The following GK variants were observed in gnomAD, a reference collection of about 807,000 sequenced individuals.
GK encodes the protein ATP:glycerol 3-phosphotransferase.
In GK, 9 loss-of-function variants were observed where a neutral mutation model predicts 56.4. That is an observed-to-expected ratio of 0.16 (90% CI 0.10 to 0.28). The LOEUF (loss-of-function observed/expected upper bound fraction) is 0.28. Ranked by LOEUF, GK falls within the 10% of genes least tolerant of loss-of-function variation. The pLI is 1.00. For synonymous variants in GK, 104 were observed against 144.1 expected, an observed-to-expected ratio of 0.72 and a Z score of 1.99; for missense variants, 161 against 431.4, an observed-to-expected ratio of 0.37 and a Z score of 5.55.
At chrX:30,684,862 C>T (rs1198573782) in intron 4 of GK, among the ~76,000 whole-genome samples, 1 of 111,098 alleles carries the variant, frequency 9.0e-6, no homozygotes, top group African/African-American at 3.3e-5. Context: ...TTAAAGTTCC[C>T]AATGGCACAC....
At chrX:30,676,411 A>G (rs1456436409) in intron 3 of GK, among the ~76,000 whole-genome samples, 1 of 112,279 alleles carries the variant, frequency 8.9e-6, no homozygotes, top group Non-Finnish European at 1.9e-5. Context: ...GAGATTCTAG[A>G]GAAGATTTGA....
intron 19 of GK, chrX:30,724,620 T>C (rs1357307592): frequency 3.2e-6 from 1 of 314,352 alleles, no homozygotes; most frequent in South Asian, 2.9e-5. Flanking sequence ...TGATTCCAAG[T>C]ACATAATGGG....
At position 30,662,201 on chromosome X, in the gene GK, T is replaced by A. The variant is rs150305009; in HGVS notation, c.79-3310T>A. Among the ~76,000 whole-genome samples the A allele has an allele frequency of 3.4e-3, 386 of 112,994 alleles. 1 individual carries two copies. Among genetic ancestry groups the A allele is most frequent in the Non-Finnish European group, 6.2e-3 (330 of 53,412 alleles). On this transcript the variant is annotated intron_variant, in intron 1 of 20. Coordinates refer to ENST00000427190, the MANE Select transcript of GK (RefSeq NM_001205019.2). ...AAAAACAAATCATTAATATTTTATATCTATCACATGTCAAAACAATAGTTT... is the reference window on the plus strand; with the variant it reads ...AAAAACAAATCATTAATATTTTATAACTATCACATGTCAAAACAATAGTTT...
At chrX:30,674,477 C>T in intron 3 of GK, 2 of 299,977 alleles carry the variant, frequency 6.7e-6, no homozygotes, top group Admixed American at 6.6e-5. Flanking sequence ...GTAATCCATC[C>T]TCTCCTGTCA....
chrX:30,681,091 T>C (rs1934257044), intron 4 of GK, among the ~76,000 whole-genome samples: 2 of 111,822 alleles, frequency 1.8e-5, no homozygotes, highest in South Asian at 7.5e-4. Context: ...TAGTTTTCTA[T>C]TTAAAAAAAC....
intron 4 of GK, 28 bp from the exon 5 acceptor site, chrX:30,691,095 A>G: frequency 1.2e-6 from 1 of 844,908 alleles, no homozygotes. Context: ...GAAGTTTTTC[A>G]TGTATATTAT....
chrX:30,678,083 C>CA (rs1392250937), intron 4 of GK: 2 of 519,846 alleles, frequency 3.8e-6, no homozygotes, highest in African/African-American at 4.6e-5. Flanking sequence ...TCCTTACCCT[C>CA]AAAAAATTAA....
chrX:30,699,281 ACAACATGT>A (rs1935486071), intron 9 of GK, among the ~76,000 whole-genome samples: 1 of 95,813 alleles, frequency 1.0e-5, no homozygotes, highest in East Asian at 3.4e-4. Flanking sequence ...ATGTATATAT[ACAACATGT>A]TATACATAAC....
At chrX:30,690,749 A>C (rs971690192) in intron 4 of GK, among the ~76,000 whole-genome samples, 3 of 111,715 alleles carry the variant, frequency 2.7e-5, no homozygotes, top group Non-Finnish European at 5.6e-5. Flanking sequence ...TGGGTTTTGC[A>C]TTTTGTGCTA....
intron 13 of GK, among the ~76,000 whole-genome samples, chrX:30,714,580 G>A (rs1456859058): frequency 9.0e-6 from 1 of 111,719 alleles, no homozygotes; most frequent in Non-Finnish European, 1.9e-5. Flanking sequence ...AGGAAGGGAG[G>A]GAATATCTCC....
At chrX:30,678,852 A>ATTTT (rs58342528) in intron 4 of GK, among the ~76,000 whole-genome samples, 3 of 77,185 alleles carry the variant, frequency 3.9e-5, no homozygotes, top group African/African-American at 1.5e-4. Flanking sequence ...ATGCCCAGCT[A>ATTTT]TTTTTTTTTT....
Position 30,700,875 on chromosome X carries a change from T to A in GK, c.821T>A (p.Met274Lys). ...CAGTCTGCTGCATTGGTGGGACAAA[T>A]GTGCTTCCAGATTGGACAAGCCAAA... The part of the protein sequence containing the change: ...GDQSAALVGQ[M>K]CFQIGQAKNT... The change falls in exon 11 of 21, where the codon ATG becomes AAG. Residue 274 changes from methionine to lysine, a missense_variant. Coordinates refer to ENST00000427190, the MANE Select transcript of GK (RefSeq NM_001205019.2). 1 of 1,197,337 alleles carries A rather than the reference T, an allele frequency of 8.4e-7. No homozygotes were observed. The highest frequency in any genetic ancestry group is 1.1e-6 in the Non-Finnish European group (1 of 882,209).
At chrX:30,707,696 T>G in intron 12 of GK, 98 bp downstream of exon 12, 3 of 523,773 alleles carry the variant, frequency 5.7e-6, no homozygotes, top group Non-Finnish European at 6.6e-6. Flanking sequence ...GTCTTTAGCT[T>G]TTACTTAATC....
intron 9 of GK, among the ~76,000 whole-genome samples, chrX:30,699,358 TAC>T (rs1191806145): frequency 1.2e-5 from 1 of 83,971 alleles, no homozygotes; most frequent in East Asian, 3.9e-4. Flanking sequence ...TATATATATA[TAC>T]ACACACACTT....
intron 14 of GK, 75 bp downstream of exon 14, chrX:30,718,691 T>C: frequency 1.6e-6 from 1 of 615,752 alleles, no homozygotes; most frequent in Non-Finnish European, 2.8e-6. Context: ...GCAAAGTAAA[T>C]ACTTATGCTT....
intron 13 of GK, among the ~76,000 whole-genome samples, chrX:30,715,294 A>G (rs1056619631): frequency 1.8e-5 from 2 of 112,444 alleles, no homozygotes; most frequent in African/African-American, 6.5e-5. Context: ...ACATTACATC[A>G]GATCTACTTG....
intron 4 of GK, among the ~76,000 whole-genome samples, chrX:30,678,268 A>G (rs1490855238): frequency 8.9e-6 from 1 of 112,362 alleles, no homozygotes; most frequent in Non-Finnish European, 1.9e-5. Context: ...TCTCAAATAT[A>G]CCACTTTTAG....
At chrX:30,710,352 T>G (rs914840661) in intron 13 of GK, among the ~76,000 whole-genome samples, 7 of 111,950 alleles carry the variant, frequency 6.3e-5, no homozygotes, top group African/African-American at 2.3e-4. Context: ...TCTGCTAACC[T>G]AGCGGTCTCA....
chrX:30,727,629 A>T (rs1341673458), intron 20 of GK, 77 bp downstream of exon 20: 1 of 637,612 alleles, frequency 1.6e-6, no homozygotes, highest in East Asian at 3.4e-5. Context: ...GAAATTTTTC[A>T]GTGTTTTTCA....
Sources: allele counts gnomAD v4.1 joint callset (sites outside exome capture counted in the v4.1 genomes callset), GRCh38; gene constraint gnomAD v4.1.1; transcripts MANE v1.5; gene names NCBI Gene and HGNC (gene_info 2026-07-23, HGNC 2026-07-21).